Variants in CALCR observed in about 807,000 individuals in gnomAD.
The protein encoded by CALCR is calcitonin receptor.
Under a neutral mutation model 59.5 loss-of-function variants are expected in CALCR, and 47 were observed. The ratio of observed to expected loss-of-function variants is 0.79; its 90% CI spans 0.63 to 1.01. CALCR has a LOEUF of 1.01. Among genes scored for constraint, CALCR ranks in the 50% least tolerant of loss-of-function variants. The pLI, the probability that CALCR is intolerant of heterozygous loss-of-function variation, is 0.00. For missense variants in CALCR, 566 were observed against 597.1 expected, an observed-to-expected ratio of 0.95 and a Z score of 0.54; for synonymous variants, 213 against 211.3, an observed-to-expected ratio of 1.01 and a Z score of -0.07.
chr7:93,521,235 C>A (rs1424788749), intron 2 of CALCR, among the ~76,000 whole-genome samples: 1 of 152,034 alleles, frequency 6.6e-6, no homozygotes, highest in African/African-American at 2.4e-5. Context: ...TTGGGGCCAG[C>A]CTGGGTGGAC....
chr7:93,435,997 A>G lies in CALCR; in HGVS notation c.1104T>C (p.Leu368=). 1.2e-6 allele frequency: 2 copies of G among 1,613,690 alleles called. No homozygotes were observed. Among genetic ancestry groups the G allele is most frequent in the Non-Finnish European group, 1.7e-6 (2 of 1,179,692 alleles). ...VFPWRPSNKM[L]GKIYDYVMHS... is the part of the protein sequence containing the mutation. ...GCATCACGTAATCATATATCTTCCC[A>G]AGCATCTTGTTGGAAGGTCTCCAGG... is the stretch of plus-strand genomic sequence containing the variant. The change falls in exon 12 of 14, where the codon CTT becomes CTC. Residue 368 remains leucine (L), a synonymous_variant. Coordinates refer to ENST00000426151, the MANE Select transcript of CALCR (RefSeq NM_001742.4).
At chr7:93,463,457 G>T (rs1240106094) in intron 7 of CALCR, among the ~76,000 whole-genome samples, 1 of 151,762 alleles carries the variant, frequency 6.6e-6, no homozygotes, top group Non-Finnish European at 1.5e-5. Context: ...TTTAAAATTT[G>T]TATTATACTA....
intron 2 of CALCR, among the ~76,000 whole-genome samples, chr7:93,491,118 C>T: frequency 6.6e-6 from 1 of 152,014 alleles, no homozygotes; most frequent in Non-Finnish European, 1.5e-5. Context: ...CTACAACTAT[C>T]TGATCTTCAA....
intron 2 of CALCR, among the ~76,000 whole-genome samples, chr7:93,492,717 A>T (rs888343281): frequency 6.6e-6 from 1 of 151,378 alleles, no homozygotes; most frequent in African/African-American, 2.4e-5. Flanking sequence ...AAATAACTCA[A>T]ATGCAGACTG....
intron 7 of CALCR, chr7:93,462,065 T>C (rs1458973059): frequency 2.7e-6 from 4 of 1,493,146 alleles, no homozygotes; most frequent in Non-Finnish European, 3.6e-6. Flanking sequence ...TTACTTACAA[T>C]GCCTTCCTAT....
At chr7:93,499,016 T>C (rs1454246239) in intron 2 of CALCR, among the ~76,000 whole-genome samples, 4 of 151,690 alleles carry the variant, frequency 2.6e-5, no homozygotes, top group African/African-American at 9.7e-5. Context: ...ACATGACTCT[T>C]AAGCATGTTA....
chr7:93,514,097 AC>A (rs1801604475), intron 2 of CALCR, among the ~76,000 whole-genome samples: 1 of 152,002 alleles, frequency 6.6e-6, no homozygotes, highest in African/African-American at 2.4e-5. Context: ...CACTTACTAT[AC>A]TCTGCACAAA....
chr7:93,478,540 A>AT (rs1302951493), intron 4 of CALCR, among the ~76,000 whole-genome samples: 3 of 151,616 alleles, frequency 2.0e-5, no homozygotes, highest in African/African-American at 7.3e-5. Flanking sequence ...AAATACAAAA[A>AT]TTTGCTGGGC....
At chr7:93,458,150 T>A (rs1226918797) in intron 8 of CALCR, among the ~76,000 whole-genome samples, 1 of 152,178 alleles carries the variant, frequency 6.6e-6, no homozygotes, top group Non-Finnish European at 1.5e-5. Flanking sequence ...TTGTCTCTGA[T>A]AACAGATGCC....
chr7:93,431,480 C>T (rs930061093), intron 13 of CALCR, among the ~76,000 whole-genome samples: 1 of 152,160 alleles, frequency 6.6e-6, no homozygotes, highest in African/African-American at 2.4e-5. Context: ...CAGAATAGGG[C>T]TGTGGCTTCA....
At chr7:93,467,651 A>G (rs1029567667) in intron 7 of CALCR, among the ~76,000 whole-genome samples, 1 of 151,652 alleles carries the variant, frequency 6.6e-6, no homozygotes, top group Non-Finnish European at 1.5e-5. Flanking sequence ...AAATGCATAT[A>G]TATTCTTCTC....
chr7:93,519,144 T>A (rs369704899), intron 2 of CALCR, among the ~76,000 whole-genome samples: 1 of 151,998 alleles, frequency 6.6e-6, no homozygotes, highest in Non-Finnish European at 1.5e-5. Context: ...CTTAAAGATG[T>A]TCAGTCTTCA....
chr7:93,560,650 T>G (rs1789724143), intron 2 of CALCR, among the ~76,000 whole-genome samples: 1 of 152,146 alleles, frequency 6.6e-6, no homozygotes, highest in African/African-American at 2.4e-5. Context: ...ACTGAAAAGT[T>G]TATTTGCTGT....
chr7:93,426,678 A>T (rs1799538507), intron 13 of CALCR, 89 bp from the exon 14 acceptor site: 3 of 697,452 alleles, frequency 4.3e-6, no homozygotes, highest in Middle Eastern at 2.5e-4. Context: ...AGCTTATCAG[A>T]TTTAAAGAAA....
chr7:93,444,150 G>C (rs118009306), intron 8 of CALCR, among the ~76,000 whole-genome samples: 14 of 152,178 alleles, frequency 9.2e-5, no homozygotes, highest in Admixed American at 6.5e-4. Flanking sequence ...TTTTAATGCT[G>C]CTTCTGAAAT....
chr7:93,571,380 T>A (rs568253773), intron 2 of CALCR, among the ~76,000 whole-genome samples: 1 of 152,194 alleles, frequency 6.6e-6, no homozygotes, highest in Non-Finnish European at 1.5e-5. Flanking sequence ...AATAAAAATT[T>A]TTTTGAATGA....
At chr7:93,551,730 C>A (rs2116230573) in intron 2 of CALCR, among the ~76,000 whole-genome samples, 1 of 152,218 alleles carries the variant, frequency 6.6e-6, no homozygotes, top group Admixed American at 6.5e-5. Context: ...CTACTGTCAG[C>A]AAAGGTATCT....
intron 2 of CALCR, among the ~76,000 whole-genome samples, chr7:93,529,111 T>G (rs1046437827): frequency 3.3e-5 from 5 of 152,200 alleles, no homozygotes; most frequent in African/African-American, 1.2e-4. Context: ...TATATTTGTC[T>G]CCACCCAAAT....
At chr7:93,433,473 T>C (rs1280637193) in intron 13 of CALCR, among the ~76,000 whole-genome samples, 1 of 152,190 alleles carries the variant, frequency 6.6e-6, no homozygotes, top group Non-Finnish European at 1.5e-5. Flanking sequence ...ACAGGAAATC[T>C]GTGTTCCAGT....
Sources: allele counts gnomAD v4.1 joint callset (sites outside exome capture counted in the v4.1 genomes callset), GRCh38; gene constraint gnomAD v4.1.1; transcripts MANE v1.5; gene names NCBI Gene and HGNC (gene_info 2026-07-23, HGNC 2026-07-21).